Variants in GRM7 observed in about 807,000 individuals in gnomAD.
The protein encoded by GRM7 is metabotropic glutamate receptor 7.
GRM7 carries 35 observed loss-of-function variants against 84.5 expected under a neutral mutation model. The observed-to-expected ratio is 0.41, with a 90% confidence interval of 0.32 to 0.55. The LOEUF is 0.55. GRM7 is among the 20% of genes least tolerant of loss of function. The pLI is 0.19. For synonymous variants in GRM7, 487 were observed against 455.1 expected (o/e 1.07, Z -0.89); for missense variants, 1,003 against 1,194.6 (o/e 0.84, Z 2.36).
intron 8 of GRM7, among the ~76,000 whole-genome samples, chr3:7,608,927 G>A (rs1696719904): frequency 6.6e-6 from 1 of 152,090 alleles, no homozygotes; most frequent in African/African-American, 2.4e-5. Context: ...TCAATTTTCT[G>A]CACGTGGCTA....
At chr3:7,506,829 C>T (rs1700053337) in intron 7 of GRM7, among the ~76,000 whole-genome samples, 1 of 152,118 alleles carries the variant, frequency 6.6e-6, no homozygotes, top group African/African-American at 2.4e-5. Flanking sequence ...CACTAATCTA[C>T]TCATGAGGGC....
intron 1 of GRM7, among the ~76,000 whole-genome samples, chr3:7,128,276 G>A (rs1411342875): frequency 3.3e-5 from 5 of 151,648 alleles, no homozygotes; most frequent in Non-Finnish European, 7.4e-5. Flanking sequence ...TTTTAGCTGG[G>A]AAGTTATATT....
chr3:7,266,127 T>C (rs1698628366), intron 2 of GRM7, among the ~76,000 whole-genome samples: 1 of 152,048 alleles, frequency 6.6e-6, no homozygotes, highest in Non-Finnish European at 1.5e-5. Context: ...CTGATATTTC[T>C]CACCATGATG....
At chr3:7,045,255 A>G (rs1559403819) in intron 1 of GRM7, among the ~76,000 whole-genome samples, 2 of 152,198 alleles carry the variant, frequency 1.3e-5, no homozygotes, top group Non-Finnish European at 2.9e-5. Context: ...ACAGCCTTCC[A>G]TTTGAAGTTC....
intron 8 of GRM7, among the ~76,000 whole-genome samples, chr3:7,621,258 G>A (rs970800626): frequency 6.6e-5 from 10 of 152,078 alleles, no homozygotes; most frequent in Admixed American, 3.3e-4. Flanking sequence ...AGCAATAACC[G>A]TAAATGTATG....
chr3:7,001,519 T>A (rs1695013842), intron 1 of GRM7, among the ~76,000 whole-genome samples: 1 of 152,228 alleles, frequency 6.6e-6, no homozygotes, highest in African/African-American at 2.4e-5. Flanking sequence ...ACACACCTAT[T>A]TGTAAACTGG....
At chr3:7,466,069 C>T (rs1439978175) in intron 7 of GRM7, among the ~76,000 whole-genome samples, 5 of 152,056 alleles carry the variant, frequency 3.3e-5, no homozygotes, top group African/African-American at 9.7e-5. Context: ...CAGAAACAAC[C>T]CTAATTTAAT....
At chr3:7,435,405 C>T (rs751146062) in intron 5 of GRM7, among the ~76,000 whole-genome samples, 12 of 152,070 alleles carry the variant, frequency 7.9e-5, no homozygotes, top group Non-Finnish European at 1.3e-4. Context: ...ATCCACCCAC[C>T]GTGGCCTCCC....
At chr3:6,891,021 T>C (rs954928624) in intron 1 of GRM7, among the ~76,000 whole-genome samples, 5 of 151,652 alleles carry the variant, frequency 3.3e-5, no homozygotes, top group African/African-American at 1.2e-4. Context: ...TTTGTTGGTT[T>C]AAAGTCTGTT....
intron 1 of GRM7, among the ~76,000 whole-genome samples, chr3:7,085,724 G>T (rs1289978955): frequency 6.6e-6 from 1 of 152,192 alleles, no homozygotes; most frequent in Admixed American, 6.6e-5. Context: ...GGCTTCAGTG[G>T]CTCTTTTAAG....
intron 8 of GRM7, among the ~76,000 whole-genome samples, chr3:7,655,955 T>C (rs1174211946): frequency 2.0e-5 from 3 of 152,198 alleles, no homozygotes; most frequent in Non-Finnish European, 2.9e-5. Context: ...TGTGATCATA[T>C]TCACATAATA....
chr3:6,869,569 A>C (rs1158561336), intron 1 of GRM7, among the ~76,000 whole-genome samples: 3 of 136,324 alleles, frequency 2.2e-5, no homozygotes, highest in African/African-American at 8.0e-5. Context: ...TATAATTTAC[A>C]TCTATCTATC....
chr3:7,631,954 C>T (rs965041266), intron 8 of GRM7, among the ~76,000 whole-genome samples: 5 of 152,078 alleles, frequency 3.3e-5, no homozygotes, highest in South Asian at 2.1e-4. Flanking sequence ...AACTAATATA[C>T]GTTAGGTGGT....
At chr3:7,631,372 G>C (rs990117544) in intron 8 of GRM7, among the ~76,000 whole-genome samples, 17 of 120,744 alleles carry the variant, frequency 1.4e-4, no homozygotes, top group Non-Finnish European at 3.0e-4. Context: ...TATTTCAACA[G>C]AGACCACCAC....
intron 1 of GRM7, among the ~76,000 whole-genome samples, chr3:7,059,745 T>C (rs1193146773): frequency 6.6e-6 from 1 of 151,666 alleles, no homozygotes; most frequent in Non-Finnish European, 1.5e-5. Flanking sequence ...GGATTAGTGC[T>C]CTTATAAAAG....
intron 7 of GRM7, among the ~76,000 whole-genome samples, chr3:7,470,381 T>C (rs1363288435): frequency 6.6e-6 from 1 of 152,238 alleles, no homozygotes; most frequent in Non-Finnish European, 1.5e-5. Flanking sequence ...ACTGCCTTAG[T>C]AAAGAAAATG....
At chr3:7,231,155 G>C (rs910493986) in intron 2 of GRM7, among the ~76,000 whole-genome samples, 2 of 152,152 alleles carry the variant, frequency 1.3e-5, no homozygotes, top group African/African-American at 4.8e-5. Flanking sequence ...ACCCGTCTTG[G>C]AAGGCTCTGG....
chr3:7,377,139 A>G lies in GRM7; in HGVS notation c.1034-37884A>G, dbSNP rs1189871884. Among the ~76,000 whole-genome samples the G allele has an allele frequency of 2.6e-5, 4 of 152,228 alleles. No individual in the cohort carries two copies. In the East Asian group the frequency reaches 7.7e-4, roughly 29 times the overall value. ...TTGGCAAACTCATTGCACAGATTTC[A>G]CTGACCTAAATGTAATACTGTTCAA... On this transcript the variant is annotated intron_variant, in intron 4 of 9. Coordinates refer to ENST00000357716, the MANE Select transcript of GRM7 (RefSeq NM_000844.4).
intron 8 of GRM7, among the ~76,000 whole-genome samples, chr3:7,629,668 G>T (rs1050409870): frequency 2.6e-5 from 4 of 152,148 alleles, no homozygotes; most frequent in African/African-American, 9.7e-5. Context: ...TTTAAGAACT[G>T]CCTTACGCTA....
Sources: allele counts gnomAD v4.1 joint callset (sites outside exome capture counted in the v4.1 genomes callset), GRCh38; gene constraint gnomAD v4.1.1; transcripts MANE v1.5; gene names NCBI Gene and HGNC (gene_info 2026-07-23, HGNC 2026-07-21).